DCC: variants seen among roughly 807,000 people sequenced by gnomAD.
DCC encodes the protein netrin receptor DCC.
Under a neutral mutation model 172.5 loss-of-function variants are expected in DCC, and 58 were observed. The observed-to-expected ratio is 0.34, with a 90% CI of 0.27 to 0.42. The LOEUF (loss-of-function observed/expected upper bound fraction) is 0.42, where lower values mean the gene tolerates loss of function less well. Ranked by LOEUF, DCC falls within the 10% of genes least tolerant of loss-of-function variation. The probability of loss-of-function intolerance (pLI) is 1.00; values close to 1 mark genes in which losing one functional copy is unlikely to be tolerated. For synonymous variants in DCC, 709 were observed against 644.5 expected, an observed-to-expected ratio of 1.10 and a Z score of -1.52; for missense variants, 1,740 against 1,791.0, an observed-to-expected ratio of 0.97 and a Z score of 0.51.
chr18:52,434,900 T>C (rs1425082930), intron 1 of DCC, among the ~76,000 whole-genome samples: 3 of 152,230 alleles, frequency 2.0e-5, no homozygotes, highest in Non-Finnish European at 4.4e-5. Context: ...ATATTCCTCA[T>C]ACCAGTAAAT....
chr18:53,490,858 TTAAAATA>T (rs1225808640), intron 26 of DCC, among the ~76,000 whole-genome samples: 2 of 152,204 alleles, frequency 1.3e-5, no homozygotes, highest in African/African-American at 4.8e-5. Flanking sequence ...TTTGCTCCAC[TTAAAATA>T]TAAGAATTAT....
intron 5 of DCC, among the ~76,000 whole-genome samples, chr18:52,971,215 C>G (rs1256195858): frequency 6.6e-6 from 1 of 152,012 alleles, no homozygotes; most frequent in African/African-American, 2.4e-5. Context: ...CCCAGAATTC[C>G]CTGTGCAGGA....
chr18:53,411,047 A>T (rs1909953613), intron 20 of DCC, among the ~76,000 whole-genome samples: 1 of 152,124 alleles, frequency 6.6e-6, no homozygotes, highest in Admixed American at 6.6e-5. Context: ...CTTATATATT[A>T]AAGAAAATTT....
chr18:53,313,403 G>A (rs148023751), intron 13 of DCC, among the ~76,000 whole-genome samples: 3 of 152,022 alleles, frequency 2.0e-5, no homozygotes, highest in Non-Finnish European at 4.4e-5. Context: ...GCGTCACCAC[G>A]TCAGGCTAAT....
chr18:52,998,312 C>G (rs1236025443), intron 5 of DCC, among the ~76,000 whole-genome samples: 1 of 151,924 alleles, frequency 6.6e-6, no homozygotes, highest in Non-Finnish European at 1.5e-5. Flanking sequence ...TGGGGTTGTT[C>G]CTAGCATATG....
chr18:52,406,407 T>G (rs1251118112), intron 1 of DCC, among the ~76,000 whole-genome samples: 1 of 151,678 alleles, frequency 6.6e-6, no homozygotes, highest in African/African-American at 2.4e-5. Context: ...GGGAGAAAAT[T>G]TTCGCAACCT....
intron 27 of DCC, among the ~76,000 whole-genome samples, chr18:53,505,694 C>CTAT (rs1489278142): frequency 6.6e-6 from 1 of 152,106 alleles, no homozygotes; most frequent in African/African-American, 2.4e-5. Context: ...AATAAATAAT[C>CTAT]TATTTTCAGA....
chr18:53,081,662 T>G (rs1452324385), intron 7 of DCC, among the ~76,000 whole-genome samples: 1 of 152,068 alleles, frequency 6.6e-6, no homozygotes, highest in Non-Finnish European at 1.5e-5. Context: ...TAAAATTTCT[T>G]GCAAGTTTGA....
At chr18:53,348,226 T>C (rs976199181) in intron 15 of DCC, among the ~76,000 whole-genome samples, 1 of 152,156 alleles carries the variant, frequency 6.6e-6, no homozygotes, top group African/African-American at 2.4e-5. Flanking sequence ...AATACAGCCA[T>C]TCCAAATGGG....
chr18:52,477,820 C>G (rs1267008634), intron 1 of DCC, among the ~76,000 whole-genome samples: 1 of 152,168 alleles, frequency 6.6e-6, no homozygotes, highest in African/African-American at 2.4e-5. Context: ...ATAACCTCCT[C>G]TTTCCCCAAT....
intron 11 of DCC, among the ~76,000 whole-genome samples, chr18:53,210,851 G>A (rs146407044): frequency 1.3e-3 from 200 of 151,222 alleles, no homozygotes; most frequent in South Asian, 9.2e-3. Flanking sequence ...TTGTCCAGAT[G>A]AGCTGTCATC....
At chr18:53,418,550 G>GA (rs1694480721) in intron 21 of DCC, among the ~76,000 whole-genome samples, 1 of 152,148 alleles carries the variant, frequency 6.6e-6, no homozygotes, top group Non-Finnish European at 1.5e-5. Flanking sequence ...TCTGCTGAGA[G>GA]AAAATTCCCT....
chr18:52,470,348 A>G (rs1169422724), intron 1 of DCC, among the ~76,000 whole-genome samples: 2 of 152,142 alleles, frequency 1.3e-5, no homozygotes, highest in African/African-American at 2.4e-5. Context: ...CAGAGAATTT[A>G]AAGAAGAGAT....
intron 27 of DCC, among the ~76,000 whole-genome samples, chr18:53,503,711 T>C (rs1382051919): frequency 1.3e-5 from 2 of 152,206 alleles, no homozygotes; most frequent in East Asian, 3.9e-4. Flanking sequence ...CCATTTGTCT[T>C]CTAGAGATGT....
chr18:52,512,273 A>G (rs2144649727), intron 1 of DCC, among the ~76,000 whole-genome samples: 1 of 152,190 alleles, frequency 6.6e-6, no homozygotes, highest in South Asian at 2.1e-4. Context: ...CTCCATCTAC[A>G]TTTCCTCCTT....
At chr18:53,183,408 G>T (rs991973556) in intron 9 of DCC, among the ~76,000 whole-genome samples, 1 of 152,058 alleles carries the variant, frequency 6.6e-6, no homozygotes, top group Non-Finnish European at 1.5e-5. Context: ...CATATTATCA[G>T]CCAGGATTTA....
chr18:52,778,202 A>T (rs1039872573), intron 2 of DCC, among the ~76,000 whole-genome samples: 2 of 152,164 alleles, frequency 1.3e-5, no homozygotes, highest in Non-Finnish European at 2.9e-5. Context: ...GTAAAGTTTT[A>T]AAAGTTTTCG....
At chr18:52,875,688 C>T (rs1237684756) in intron 2 of DCC, among the ~76,000 whole-genome samples, 2 of 152,142 alleles carry the variant, frequency 1.3e-5, no homozygotes, top group African/African-American at 4.8e-5. Flanking sequence ...CCTCATAAAC[C>T]CTGGGAGGCT....
chr18:52,595,983 A>G (rs1334780995), intron 1 of DCC, among the ~76,000 whole-genome samples: 1 of 152,192 alleles, frequency 6.6e-6, no homozygotes, highest in Non-Finnish European at 1.5e-5. Flanking sequence ...AACATATTTA[A>G]TACTAGCATT....
Sources: gnomAD v4.1 joint callset for allele counts (sites outside exome capture counted in the v4.1 genomes callset) on GRCh38, gnomAD v4.1.1 for gene constraint, MANE v1.5 for transcripts, NCBI Gene and HGNC (gene_info 2026-07-23, HGNC 2026-07-21) for gene names.